TEX9: variants seen among roughly 807,000 people sequenced by gnomAD.
TEX9 encodes testis-expressed protein 9.
Under a neutral mutation model 59.6 loss-of-function variants are expected in TEX9, and 74 were observed. The ratio of observed to expected loss-of-function variants is 1.24; its 90% confidence interval spans 1.03 to 1.51. TEX9 has a LOEUF of 1.51. TEX9 is among the 40% of genes most tolerant of loss of function. The probability of loss-of-function intolerance (pLI) is 0.00; values close to 1 mark genes in which losing one functional copy is unlikely to be tolerated. For synonymous variants in TEX9, 186 were observed against 152.2 expected (o/e 1.22, Z -1.64); for missense variants, 522 against 447.8 (o/e 1.17, Z -1.49).
intron 1 of TEX9, chr15:56,323,458 G>A: frequency 5.8e-6 from 1 of 171,320 alleles, no homozygotes; most frequent in Non-Finnish European, 1.2e-5. Context: ...TCCCATTGGT[G>A]ATGAGGCAAA....
At chr15:56,425,390 G>A (rs1301814984) in intron 10 of TEX9, among the ~76,000 whole-genome samples, 1 of 152,092 alleles carries the variant, frequency 6.6e-6, no homozygotes, top group Non-Finnish European at 1.5e-5. Context: ...CTTAGCTGCT[G>A]TTCACTTTTC....
chr15:56,429,919 T>G (rs1486874153), intron 12 of TEX9: 2 of 152,176 alleles, frequency 1.3e-5, no homozygotes. Context: ...AAGAAAGACA[T>G]TCCTACAATT....
intron 1 of TEX9, among the ~76,000 whole-genome samples, chr15:56,319,601 C>T (rs1336042533): frequency 6.6e-6 from 1 of 151,754 alleles, no homozygotes; most frequent in Non-Finnish European, 1.5e-5. Context: ...ACTTCATTTT[C>T]TTCATATTAA....
intron 1 of TEX9, among the ~76,000 whole-genome samples, chr15:56,359,302 C>T (rs773252363): frequency 6.6e-6 from 1 of 152,066 alleles, no homozygotes; most frequent in Non-Finnish European, 1.5e-5. Context: ...TAATCTTTAT[C>T]CATTTTCAGA....
intron 1 of TEX9, among the ~76,000 whole-genome samples, chr15:56,336,180 A>G (rs1353085741): frequency 6.6e-6 from 1 of 152,132 alleles, no homozygotes; most frequent in Non-Finnish European, 1.5e-5. Context: ...CAACTTGTTC[A>G]GTGGGTGTGA....
chr15:56,289,063 G>A (rs1237824279), intron 1 of TEX9, among the ~76,000 whole-genome samples: 1 of 151,938 alleles, frequency 6.6e-6, no homozygotes, highest in Non-Finnish European at 1.5e-5. Flanking sequence ...CAGAGTTCTT[G>A]TCTGATTTTT....
At chr15:56,449,621 G>GT (rs1302731300), downstream of TEX9, among the ~76,000 whole-genome samples, 6 of 152,020 alleles carry the variant, frequency 3.9e-5, no homozygotes, top group African/African-American at 1.4e-4. Context: ...CTCTTTTTCT[G>GT]TTTTACAGAA....
intron 3 of TEX9, among the ~76,000 whole-genome samples, chr15:56,381,273 TA>T (rs2047714037): frequency 6.6e-6 from 1 of 152,210 alleles, no homozygotes; most frequent in Non-Finnish European, 1.5e-5. Flanking sequence ...ATCTGTTCGT[TA>T]AATTTATCTG....
At chr15:56,361,165 G>T (rs1163835051), upstream of TEX9, among the ~76,000 whole-genome samples, 2 of 152,182 alleles carry the variant, frequency 1.3e-5, no homozygotes, top group Non-Finnish European at 2.9e-5. Context: ...ATTTTAACTA[G>T]ATTGTGGTTT....
chr15:56,417,496 T>C (rs2049753385), intron 10 of TEX9, among the ~76,000 whole-genome samples: 1 of 151,924 alleles, frequency 6.6e-6, no homozygotes, highest in Non-Finnish European at 1.5e-5. Flanking sequence ...TGTAACTGCA[T>C]GGTTTTGAGT....
rs766040242 is a variant in TEX9 at position 56,434,163 on chromosome 15, C to T, written c.*29+5690C>T. ...TTTGTCTGCAAGGAATTGTTGGCGA[C>T]GCTCTTCAATAAGTTTTTCCACAGC... is the stretch of plus-strand genomic sequence containing the variant. On this transcript the variant is annotated intron_variant, in intron 12 of 12. Transcript: ENST00000352903. 21 of 1,612,976 alleles carry T rather than the reference C, an allele frequency of 1.3e-5. No homozygotes were observed. The highest frequency in any genetic ancestry group is 8.4e-5 in the Admixed American group (5 of 59,848).
At chr15:56,261,736 C>G (rs1335671994) in intron 1 of TEX9, among the ~76,000 whole-genome samples, 1 of 151,822 alleles carries the variant, frequency 6.6e-6, no homozygotes, top group Non-Finnish European at 1.5e-5. Context: ...AAATTATTAA[C>G]TGTACCAGGT....
intron 1 of TEX9, among the ~76,000 whole-genome samples, chr15:56,342,684 A>T (rs2046395150): frequency 6.6e-6 from 1 of 152,154 alleles, no homozygotes; most frequent in South Asian, 2.1e-4. Flanking sequence ...GAAAATAAGG[A>T]AAGGTTATGT....
chr15:56,303,754 C>T lies in TEX9; in HGVS notation c.-107+59476C>T, dbSNP rs189878583. Among the ~76,000 whole-genome samples the T allele has an allele frequency of 2.0e-4, 30 of 152,092 alleles. No individual in the cohort carries two copies. In the East Asian group the frequency reaches 5.0e-3, roughly 25 times the overall value. On this transcript the variant is annotated intron_variant, in intron 1 of 5. Transcript: ENST00000560827. ...ACTTTTTGAAAAGAAAATTTACAAA[C>T]CTTTATCCAGAATAAGAAAAGTGAG...
chr15:56,354,849 T>G (rs78169692), intron 1 of TEX9, among the ~76,000 whole-genome samples: 3 of 152,132 alleles, frequency 2.0e-5, no homozygotes, highest in African/African-American at 7.2e-5. Flanking sequence ...GACAGTACTG[T>G]ATGAAGAAGG....
chr15:56,323,163 A>G (rs1418295505), intron 1 of TEX9: 3 of 217,704 alleles, frequency 1.4e-5, no homozygotes, highest in African/African-American at 6.9e-5. Flanking sequence ...CCTCATATGC[A>G]TTCTTTGTGC....
intron 2 of TEX9, among the ~76,000 whole-genome samples, chr15:56,368,286 G>A (rs1214055633): frequency 6.6e-6 from 1 of 151,972 alleles, no homozygotes; most frequent in Non-Finnish European, 1.5e-5. Context: ...ACAAAGGCAG[G>A]TTTCTTGTTT....
rs945230111 is a variant in TEX9, at chr15:56,251,408, C to T, written c.-107+7130C>T. Among the ~76,000 whole-genome samples, 34 of 152,100 alleles carry T rather than the reference C, an allele frequency of 2.2e-4. 1 individual carries two copies. Among genetic ancestry groups the T allele is most frequent in the African/African-American group, 6.5e-4 (27 of 41,418 alleles). ...CTGGCCCCCTAGTTGGAACAGGGCT[C>T]AACATTTGACACCATGACAATCAAT... On this transcript the variant is annotated intron_variant, in intron 1 of 5. Transcript: ENST00000560827.
intron 1 of TEX9, among the ~76,000 whole-genome samples, chr15:56,276,399 A>G (rs573871489): frequency 8.6e-5 from 13 of 151,328 alleles, no homozygotes; most frequent in African/African-American, 2.4e-4. Context: ...CTCATTGTCA[A>G]CTCCCACTTA....
Sources: allele counts gnomAD v4.1 joint callset (sites outside exome capture counted in the v4.1 genomes callset), GRCh38; gene constraint gnomAD v4.1.1; transcripts MANE v1.5; gene names NCBI Gene and HGNC (gene_info 2026-07-23, HGNC 2026-07-21).